CFAP96: variants seen among roughly 807,000 people sequenced by gnomAD.
The protein encoded by CFAP96 is cilia-and flagella-associated protein 96.
the CFAP96 span, among the ~76,000 whole-genome samples, chr4:185,425,552 C>T: frequency 6.6e-6 from 1 of 152,172 alleles, no homozygotes; most frequent in South Asian, 2.1e-4. Context: ...AAGAAAGTTG[C>T]GCCTGTCCCA....
At chr4:185,427,644 C>G in the CFAP96 span, among the ~76,000 whole-genome samples, 1 of 151,634 alleles carries the variant, frequency 6.6e-6, no homozygotes, top group Non-Finnish European at 1.5e-5. Flanking sequence ...CCCGTAGTCC[C>G]AGCTACCTGG....
At chr4:185,448,057 G>C in the CFAP96 span, among the ~76,000 whole-genome samples, 3 of 152,062 alleles carry the variant, frequency 2.0e-5, no homozygotes, top group Admixed American at 6.5e-5. Flanking sequence ...TTTCACTCTT[G>C]TCACCCAGGC....
chr4:185,449,592 T>G, the CFAP96 span: 2 of 1,534,392 alleles, frequency 1.3e-6, no homozygotes, highest in Non-Finnish European at 1.8e-6. Flanking sequence ...TTTTCCAATT[T>G]TAGGGCACTA....
the CFAP96 span, among the ~76,000 whole-genome samples, chr4:185,436,872 C>A: frequency 6.6e-6 from 1 of 152,094 alleles, no homozygotes; most frequent in Admixed American, 6.6e-5. Context: ...TATATCCTCT[C>A]AGCTCCTTCC....
the CFAP96 span, among the ~76,000 whole-genome samples, chr4:185,433,442 C>G: frequency 2.7e-5 from 4 of 150,450 alleles, no homozygotes; most frequent in Non-Finnish European, 5.9e-5. Flanking sequence ...CATTCACACT[C>G]AAAGCTTTGA....
chr4:185,423,763 CAT>C, the CFAP96 span, among the ~76,000 whole-genome samples: 2 of 151,914 alleles, frequency 1.3e-5, no homozygotes, highest in Non-Finnish European at 2.9e-5. Flanking sequence ...TTTGTGTACA[CAT>C]ATATACACAC....
At chr4:185,410,134 A>C in the CFAP96 span, among the ~76,000 whole-genome samples, 1 of 152,214 alleles carries the variant, frequency 6.6e-6, no homozygotes, top group Non-Finnish European at 1.5e-5. Context: ...AAGAGTCAGA[A>C]ACCAGTTAAA....
At chr4:185,413,586 T>C in the CFAP96 span, 1 of 787,596 alleles carries the variant, frequency 1.3e-6, no homozygotes, top group Non-Finnish European at 1.9e-6. Flanking sequence ...TCTTAAGCAA[T>C]GTCTGTTAAC....
the CFAP96 span, among the ~76,000 whole-genome samples, chr4:185,443,320 G>A: frequency 1.5e-3 from 83 of 55,988 alleles, 1 homozygote; most frequent in South Asian, 0.012. Flanking sequence ...TATTTTTTAT[G>A]TATATATATA....
At chr4:185,418,847 T>C in the CFAP96 span, 2 of 1,158,896 alleles carry the variant, frequency 1.7e-6, no homozygotes, top group South Asian at 1.8e-5. Flanking sequence ...TACACAAAAG[T>C]AGAGCATAGT....
the CFAP96 span, among the ~76,000 whole-genome samples, chr4:185,422,945 G>A: frequency 6.6e-6 from 1 of 152,134 alleles, no homozygotes; most frequent in Non-Finnish European, 1.5e-5. Context: ...TGCAACCTCC[G>A]CCTCCTGGGT....
chr4:185,441,080 A>G, the CFAP96 span, among the ~76,000 whole-genome samples: 1 of 151,972 alleles, frequency 6.6e-6, no homozygotes, highest in South Asian at 2.1e-4. Context: ...CCTCCAGAGT[A>G]GCTGAGATTA....
At chr4:185,421,657 G>A in the CFAP96 span, among the ~76,000 whole-genome samples, 2 of 152,152 alleles carry the variant, frequency 1.3e-5, no homozygotes, top group Non-Finnish European at 2.9e-5. Context: ...AGAACTGTGA[G>A]CCAAATCAAC....
At chr4:185,415,851 A>G in the CFAP96 span, 2 of 1,613,122 alleles carry the variant, frequency 1.2e-6, no homozygotes, top group African/African-American at 1.3e-5. Context: ...CATAAGATCT[A>G]TATTTACTAT....
chr4:185,431,395 G>C, the CFAP96 span, among the ~76,000 whole-genome samples: 1 of 151,978 alleles, frequency 6.6e-6, no homozygotes, highest in Non-Finnish European at 1.5e-5. Flanking sequence ...AAAATTACTG[G>C]GCTACTAGTA....
At chr4:185,423,807 C>T in the CFAP96 span, among the ~76,000 whole-genome samples, 1 of 151,904 alleles carries the variant, frequency 6.6e-6, no homozygotes, top group East Asian at 1.9e-4. Flanking sequence ...TATATACATA[C>T]ATATATACAC....
chr4:185,445,507 G>A, the CFAP96 span: 108 of 1,577,056 alleles, frequency 6.8e-5, no homozygotes, highest in Non-Finnish European at 8.9e-5. Context: ...GAATCCTAAT[G>A]ATGCTTGAGA....
At chr4:185,410,561 T>C in the CFAP96 span, among the ~76,000 whole-genome samples, 4 of 151,992 alleles carry the variant, frequency 2.6e-5, no homozygotes, top group African/African-American at 4.8e-5. Flanking sequence ...GGCAGGAGAA[T>C]TGCCTGAACC....
At chr4:185,424,084 T>G in the CFAP96 span, among the ~76,000 whole-genome samples, 3 of 151,828 alleles carry the variant, frequency 2.0e-5, no homozygotes, top group Non-Finnish European at 4.4e-5. Context: ...GAGGATCACT[T>G]TGAGCCCAGG....
Sources: allele counts gnomAD v4.1 joint callset (sites outside exome capture counted in the v4.1 genomes callset), GRCh38; gene constraint gnomAD v4.1.1; transcripts MANE v1.5; gene names NCBI Gene and HGNC (gene_info 2026-07-23, HGNC 2026-07-21).